PTPRD: variants seen among roughly 807,000 people sequenced by gnomAD.
PTPRD encodes receptor-type tyrosine-protein phosphatase delta.
Under a neutral mutation model 214.5 loss-of-function variants are expected in PTPRD, and 34 were observed. The observed-to-expected ratio is 0.16, with a 90% confidence interval of 0.12 to 0.21. The LOEUF is 0.21. Ranked by LOEUF, PTPRD falls within the 10% of genes least tolerant of loss-of-function variation. The pLI is 1.00. For missense variants in PTPRD, 2,545 were observed against 2,398.7 expected, an observed-to-expected ratio of 1.06 and a Z score of -1.27; for synonymous variants, 1,128 against 845.7, an observed-to-expected ratio of 1.33 and a Z score of -5.79.
intron 7 of PTPRD, among the ~76,000 whole-genome samples, chr9:9,707,065 A>T (rs556927399): frequency 7.9e-5 from 12 of 152,156 alleles, no homozygotes; most frequent in Non-Finnish European, 1.8e-4. Flanking sequence ...AAATGAACAG[A>T]TGTCCTTTTT....
rs1218291323 is a variant in PTPRD at position 8,317,486 on chromosome 9, A to G, written c.*388T>C. The G allele has an allele frequency of 2.9e-5, 7 of 244,632 alleles. No individual in the cohort carries two copies. Among genetic ancestry groups the G allele is most frequent in the Non-Finnish European group, 4.9e-5 (6 of 123,592 alleles). The allele number at this position is 244,632 out of a possible 1,614,324, so 15.2% of individuals were successfully genotyped here. A position where few individuals can be genotyped will look rare whatever the true frequency, so the allele number is the denominator to read the frequency against. ...AAGCAGAGTCCGTTTCATTGTGAGA[A>G]GCCACACCAGCACATATCTTGTGCT... On this transcript the variant is annotated 3_prime_UTR_variant, in exon 46 of 46. Transcript: ENST00000381196.
intron 14 of PTPRD, among the ~76,000 whole-genome samples, chr9:8,632,748 C>A (rs1454249614): frequency 6.6e-6 from 1 of 151,896 alleles, no homozygotes; most frequent in African/African-American, 2.4e-5. Flanking sequence ...TTGTTGGAGA[C>A]AAAGAAAGGG....
chr9:9,980,751 A>C (rs2095517929), intron 4 of PTPRD, among the ~76,000 whole-genome samples: 1 of 151,966 alleles, frequency 6.6e-6, no homozygotes, highest in African/African-American at 2.4e-5. Flanking sequence ...CATACAAAGA[A>C]TTCTCATAAA....
intron 11 of PTPRD, among the ~76,000 whole-genome samples, chr9:8,968,033 C>G (rs1567299495): frequency 6.6e-6 from 1 of 151,916 alleles, no homozygotes; most frequent in Non-Finnish European, 1.5e-5. Context: ...CGATAGTTTG[C>G]TGAGAATGAT....
chr9:9,164,829 A>G (rs1376085124), intron 10 of PTPRD, among the ~76,000 whole-genome samples: 2 of 149,344 alleles, frequency 1.3e-5, no homozygotes, highest in Middle Eastern at 3.4e-3. Context: ...CCTGGCCAAC[A>G]TGATGAAATC....
intron 8 of PTPRD, among the ~76,000 whole-genome samples, chr9:9,431,818 G>A (rs1245369698): frequency 6.8e-6 from 1 of 147,702 alleles, no homozygotes; most frequent in Non-Finnish European, 1.5e-5. Flanking sequence ...AAACCATACA[G>A]TGCATGTTCT....
chr9:9,108,519 G>T (rs1003716610), intron 10 of PTPRD, among the ~76,000 whole-genome samples: 4 of 152,122 alleles, frequency 2.6e-5, no homozygotes, highest in Non-Finnish European at 5.9e-5. Flanking sequence ...TCTCCAGGTT[G>T]ACTCTCCTCT....
rs1279448245 is a variant in PTPRD at position 8,523,414 on chromosome 9, G to C, written c.691+99C>G. ...TGCTAAAACATACCATTAACCAAAA[G>C]AAGAACACAATGCAGCTACATTCAT... On this transcript the variant is annotated intron_variant, in intron 19 of 45. Coordinates refer to ENST00000381196, the MANE Select transcript of PTPRD (RefSeq NM_002839.4). The C allele has an allele frequency of 5.7e-6, 8 of 1,411,744 alleles. No homozygotes were observed. The South Asian group carries it at 7.3e-5, about 13-fold the overall frequency. The allele number at this position is 1,411,744 out of a possible 1,614,324, so 87.5% of individuals were successfully genotyped here.
chr9:9,603,598 T>C (rs1003771020), intron 7 of PTPRD, among the ~76,000 whole-genome samples: 1 of 152,080 alleles, frequency 6.6e-6, no homozygotes, highest in Non-Finnish European at 1.5e-5. Flanking sequence ...TTAAAGTCTG[T>C]ATAGGAGCTC....
In PTPRD at chr9:9,489,791, A is replaced by T. The variant is rs534019844; in HGVS notation, c.-237+84941T>A. 2.0e-5 allele frequency among the ~76,000 whole-genome samples: 3 copies of T among 151,466 alleles called. No individual in the cohort carries two copies. The South Asian group carries it at 6.3e-4, about 32-fold the overall frequency. On this transcript the variant is annotated intron_variant, in intron 8 of 45. Coordinates refer to ENST00000381196, the MANE Select transcript of PTPRD (RefSeq NM_002839.4). Reference sequence around the variant, plus strand: ...GGAGCACCATGAAGTGGACCAATATACACACTGTAGAATAAAAGAAGAAGG... The same window carrying T: ...GGAGCACCATGAAGTGGACCAATATTCACACTGTAGAATAAAAGAAGAAGG...
chr9:9,707,947 A>G (rs1446481646), intron 7 of PTPRD, among the ~76,000 whole-genome samples: 1 of 151,990 alleles, frequency 6.6e-6, no homozygotes, highest in Admixed American at 6.6e-5. Flanking sequence ...ACATATACCT[A>G]GCAGTAAGAA....
Position 9,607,781 on chromosome 9 carries a change from G to C in PTPRD, c.-286-33000C>G, listed in dbSNP as rs550721670. ...AAAAAAATTCATTGGCAGACGTTTT[G>C]AGGGATGTATCTCCTGATAGATTCC... On this transcript the variant is annotated intron_variant, in intron 7 of 45. Transcript: ENST00000381196. 1.4e-4 allele frequency among the ~76,000 whole-genome samples: 22 copies of C among 151,740 alleles called. No homozygotes were observed. In the South Asian group the frequency reaches 4.6e-3, roughly 32 times the overall value.
chr9:9,726,597 C>T (rs2098096577), intron 7 of PTPRD, among the ~76,000 whole-genome samples: 1 of 152,156 alleles, frequency 6.6e-6, no homozygotes, highest in African/African-American at 2.4e-5. Context: ...TTTCAGGAAT[C>T]TCAATCATCT....
intron 9 of PTPRD, among the ~76,000 whole-genome samples, chr9:9,331,102 T>C (rs138784084): frequency 7.0e-4 from 107 of 152,186 alleles, no homozygotes; most frequent in African/African-American, 2.3e-3. Flanking sequence ...CAGTAATGTA[T>C]GAGACAGTTT....
chr9:9,898,097 G>C (rs146463675), intron 5 of PTPRD, among the ~76,000 whole-genome samples: 44 of 152,192 alleles, frequency 2.9e-4, no homozygotes, highest in African/African-American at 1.1e-3. Flanking sequence ...AGAAACTAAG[G>C]AATGCCTGTT....
intron 7 of PTPRD, among the ~76,000 whole-genome samples, chr9:9,696,689 T>G (rs1052817927): frequency 1.3e-5 from 2 of 152,152 alleles, no homozygotes; most frequent in Non-Finnish European, 2.9e-5. Context: ...AGTCTATGTG[T>G]GTCTTTATAG....
intron 2 of PTPRD, among the ~76,000 whole-genome samples, chr9:10,360,892 G>C (rs1228277129): frequency 6.6e-6 from 1 of 152,130 alleles, no homozygotes; most frequent in Admixed American, 6.5e-5. Context: ...CGCGAGGTCA[G>C]GAGATCGAGG....
intron 8 of PTPRD, among the ~76,000 whole-genome samples, chr9:9,552,583 A>G (rs1275667070): frequency 1.3e-5 from 2 of 152,064 alleles, no homozygotes; most frequent in Admixed American, 6.6e-5. Flanking sequence ...GTAAGCCTAT[A>G]GCAAACTTCT....
At chr9:9,979,707 T>A (rs2095474961) in intron 4 of PTPRD, among the ~76,000 whole-genome samples, 1 of 152,172 alleles carries the variant, frequency 6.6e-6, no homozygotes, top group East Asian at 1.9e-4. Flanking sequence ...AATAATTAAG[T>A]AAATTCTGAC....
Sources: gnomAD v4.1 joint callset for allele counts (sites outside exome capture counted in the v4.1 genomes callset) on GRCh38, gnomAD v4.1.1 for gene constraint, MANE v1.5 for transcripts, NCBI Gene and HGNC (gene_info 2026-07-23, HGNC 2026-07-21) for gene names.